NELL1: variants seen among roughly 807,000 people sequenced by gnomAD.
NELL1 encodes protein kinase C-binding protein NELL1.
Under a neutral mutation model 107.4 loss-of-function variants are expected in NELL1, and 76 were observed. That is an observed-to-expected ratio of 0.71 (90% CI 0.59 to 0.86). The LOEUF (loss-of-function observed/expected upper bound fraction) is 0.86. NELL1 is among the 40% of genes least tolerant of loss of function. NELL1 has a pLI of 0.00. For synonymous variants in NELL1, 353 were observed against 341.2 expected (o/e 1.03, Z -0.38); for missense variants, 1,024 against 1,005.5 (o/e 1.02, Z -0.25).
chr11:21,068,032 C>CAAAAAAAAAAAAAAA (rs1195285619), intron 12 of NELL1, among the ~76,000 whole-genome samples: 4 of 40,384 alleles, frequency 9.9e-5, no homozygotes, highest in Non-Finnish European at 1.2e-4. Flanking sequence ...GATGCCATCT[C>CAAAAAAAAAAAAAAA]AAAAAAAAAA....
intron 13 of NELL1, among the ~76,000 whole-genome samples, chr11:21,180,051 G>T (rs538040895): frequency 2.3e-5 from 3 of 133,050 alleles, no homozygotes; most frequent in African/African-American, 8.5e-5. Context: ...GCTGGCTAGA[G>T]GACTGAATTT....
intron 15 of NELL1, among the ~76,000 whole-genome samples, chr11:21,436,766 T>C (rs967954589): frequency 1.3e-5 from 2 of 152,152 alleles, no homozygotes; most frequent in African/African-American, 4.8e-5. Flanking sequence ...AGACAGTTAT[T>C]GCTATTAGTG....
chr11:21,385,328 A>G (rs1235382753), intron 15 of NELL1, among the ~76,000 whole-genome samples: 3 of 151,906 alleles, frequency 2.0e-5, no homozygotes, highest in Admixed American at 2.0e-4. Context: ...ATTTAACAAG[A>G]AGAAGCTCTT....
intron 14 of NELL1, among the ~76,000 whole-genome samples, chr11:21,329,988 A>C (rs1047836236): frequency 1.3e-5 from 2 of 152,126 alleles, no homozygotes; most frequent in Admixed American, 6.6e-5. Flanking sequence ...AGCTGAGAGA[A>C]GAAAATAAAT....
intron 12 of NELL1, among the ~76,000 whole-genome samples, chr11:21,105,134 T>C (rs950953923): frequency 2.6e-5 from 4 of 152,146 alleles, no homozygotes; most frequent in African/African-American, 9.7e-5. Flanking sequence ...GCAGCATCAT[T>C]GTCTGGGGTA....
chr11:20,802,126 G>T (rs1857292480), intron 3 of NELL1, among the ~76,000 whole-genome samples: 1 of 151,866 alleles, frequency 6.6e-6, no homozygotes, highest in East Asian at 1.9e-4. Context: ...GAGGGTCATT[G>T]GTATTTTTTA....
At chr11:21,298,342 A>C (rs751068347) in intron 14 of NELL1, among the ~76,000 whole-genome samples, 4 of 151,828 alleles carry the variant, frequency 2.6e-5, no homozygotes, top group Non-Finnish European at 5.9e-5. Flanking sequence ...CTCATGTTTT[A>C]TCAATTTGTT....
intron 12 of NELL1, among the ~76,000 whole-genome samples, chr11:21,012,920 G>A (rs1565014655): frequency 6.6e-6 from 1 of 152,126 alleles, no homozygotes; most frequent in Non-Finnish European, 1.5e-5. Flanking sequence ...GGGGGGATTA[G>A]TAATCCTGTG....
At chr11:21,523,741 G>A (rs550789735) in intron 15 of NELL1, among the ~76,000 whole-genome samples, 1 of 152,074 alleles carries the variant, frequency 6.6e-6, no homozygotes, top group South Asian at 2.1e-4. Flanking sequence ...CTCCTCATGG[G>A]TTTTCTTCCT....
intron 4 of NELL1, among the ~76,000 whole-genome samples, chr11:20,865,397 TCAAGTGGGAGGC>T (rs542287954): frequency 7.9e-5 from 12 of 152,196 alleles, no homozygotes; most frequent in African/African-American, 2.9e-4. Context: ...CAATAATCCC[TCAAGTGGGAGGC>T]CGGGTGGGAT....
intron 15 of NELL1, among the ~76,000 whole-genome samples, chr11:21,484,173 T>C (rs1321525266): frequency 1.3e-5 from 2 of 151,074 alleles, no homozygotes; most frequent in Non-Finnish European, 3.0e-5. Context: ...TCCATAGTTT[T>C]TGTTTTATAA....
At chr11:20,689,450 A>C (rs1238949656) in intron 2 of NELL1, among the ~76,000 whole-genome samples, 3 of 86,842 alleles carry the variant, frequency 3.5e-5, no homozygotes, top group Non-Finnish European at 6.3e-5. Context: ...CCCACCCCAC[A>C]ACAGTCCCCA....
At chr11:21,435,003 T>C (rs1853070796) in intron 15 of NELL1, among the ~76,000 whole-genome samples, 1 of 152,188 alleles carries the variant, frequency 6.6e-6, no homozygotes, top group African/African-American at 2.4e-5. Flanking sequence ...TGTATATAAA[T>C]ACTACTAAGA....
intron 16 of NELL1, among the ~76,000 whole-genome samples, chr11:21,552,395 G>A (rs1050565261): frequency 6.6e-6 from 1 of 151,694 alleles, no homozygotes; most frequent in Non-Finnish European, 1.5e-5. Context: ...TCTGACTAGT[G>A]TTCAGTCATG....
At chr11:21,378,505 A>T (rs558352120) in intron 15 of NELL1, among the ~76,000 whole-genome samples, 1 of 151,980 alleles carries the variant, frequency 6.6e-6, no homozygotes, top group South Asian at 2.1e-4. Context: ...CCAGGTTGGT[A>T]TGGAAACTCA....
intron 14 of NELL1, among the ~76,000 whole-genome samples, chr11:21,330,360 G>T (rs1385510623): frequency 6.6e-6 from 1 of 152,054 alleles, no homozygotes; most frequent in African/African-American, 2.4e-5. Flanking sequence ...CCATTTGGGG[G>T]TCAGTTGGTT....
intron 15 of NELL1, among the ~76,000 whole-genome samples, chr11:21,494,912 G>C (rs1410213219): frequency 6.6e-6 from 1 of 151,568 alleles, no homozygotes; most frequent in Non-Finnish European, 1.5e-5. Context: ...TAGTGATGTA[G>C]AGCCATCTTT....
intron 2 of NELL1, among the ~76,000 whole-genome samples, chr11:20,701,203 A>G (rs1474425155): frequency 6.6e-6 from 1 of 152,090 alleles, no homozygotes; most frequent in Non-Finnish European, 1.5e-5. Context: ...TTGCCATTCT[A>G]ACTGGTGTGA....
intron 15 of NELL1, among the ~76,000 whole-genome samples, chr11:21,460,865 C>T (rs142284906): frequency 3.3e-5 from 5 of 152,026 alleles, no homozygotes; most frequent in African/African-American, 4.8e-5. Context: ...AATAGGTGAA[C>T]GAGATAAATC....
Sources: gnomAD v4.1 joint callset for allele counts (sites outside exome capture counted in the v4.1 genomes callset) on GRCh38, gnomAD v4.1.1 for gene constraint, MANE v1.5 for transcripts, NCBI Gene and HGNC (gene_info 2026-07-23, HGNC 2026-07-21) for gene names.